SLC16A7: variants seen among roughly 807,000 people sequenced by gnomAD.
SLC16A7 encodes monocarboxylate transporter 2.
SLC16A7 carries 33 observed loss-of-function variants against 34.9 expected under a neutral mutation model. That is an observed-to-expected ratio of 0.94 (90% CI 0.72 to 1.26). The LOEUF (loss-of-function observed/expected upper bound fraction) is 1.26. Ranked by LOEUF, SLC16A7 falls within the 50% of genes most tolerant of loss-of-function variation. SLC16A7 has a pLI of 0.00. For synonymous variants in SLC16A7, 201 were observed against 206.6 expected (o/e 0.97, Z 0.23); for missense variants, 573 against 578.1 (o/e 0.99, Z 0.09).
At chr12:59,710,380 A>C (rs895794526) in intron 3 of SLC16A7, among the ~76,000 whole-genome samples, 2 of 152,172 alleles carry the variant, frequency 1.3e-5, no homozygotes, top group Non-Finnish European at 2.9e-5. Flanking sequence ...GTAGGAATGG[A>C]ATCATGGCCC....
chr12:59,764,587 G>T (rs1489260417), intron 3 of SLC16A7, among the ~76,000 whole-genome samples: 1 of 151,008 alleles, frequency 6.6e-6, no homozygotes, highest in African/African-American at 2.4e-5. Flanking sequence ...GTGGTGTTTG[G>T]TTTTTTGTCC....
At chr12:59,643,477 T>G (rs1391219880) in intron 1 of SLC16A7, among the ~76,000 whole-genome samples, 1 of 152,170 alleles carries the variant, frequency 6.6e-6, no homozygotes, top group African/African-American at 2.4e-5. Context: ...ACTGCATATG[T>G]AACATATCCA....
chr12:59,679,331 C>T (rs573418671), intron 2 of SLC16A7, among the ~76,000 whole-genome samples: 2 of 152,300 alleles, frequency 1.3e-5, no homozygotes, highest in African/African-American at 2.4e-5. Context: ...GAGCCCCAGC[C>T]GTACCCCTCC....
intron 1 of SLC16A7, among the ~76,000 whole-genome samples, chr12:59,633,523 A>C (rs888619728): frequency 2.0e-5 from 3 of 151,962 alleles, no homozygotes; most frequent in African/African-American, 7.2e-5. Context: ...TTTTTGCCAC[A>C]CTTACTACAA....
intron 3 of SLC16A7, among the ~76,000 whole-genome samples, chr12:59,713,420 T>A (rs904268575): frequency 1.1e-4 from 17 of 152,248 alleles, no homozygotes; most frequent in African/African-American, 4.1e-4. Flanking sequence ...TTTAATTAAC[T>A]ATTTTAAAGG....
intron 3 of SLC16A7, among the ~76,000 whole-genome samples, chr12:59,734,561 C>T (rs570353703): frequency 6.6e-6 from 1 of 152,314 alleles, no homozygotes; most frequent in Non-Finnish European, 1.5e-5. Flanking sequence ...ACCCCTTTAA[C>T]TTGGTAGGGG....
At chr12:59,686,128 T>C (rs1592496091) in intron 2 of SLC16A7, among the ~76,000 whole-genome samples, 1 of 100,382 alleles carries the variant, frequency 1.0e-5, no homozygotes, top group African/African-American at 3.8e-5. Flanking sequence ...CAGGGGAGGG[T>C]CCCTGTTCTG....
chr12:59,610,747 C>A (rs1333145672), intron 1 of SLC16A7, among the ~76,000 whole-genome samples: 1 of 152,178 alleles, frequency 6.6e-6, no homozygotes, highest in Non-Finnish European at 1.5e-5. Flanking sequence ...TTCCAGCATA[C>A]ATGTTTAAAA....
intron 3 of SLC16A7, among the ~76,000 whole-genome samples, chr12:59,758,597 C>A (rs960771992): frequency 2.6e-5 from 4 of 151,798 alleles, no homozygotes; most frequent in Non-Finnish European, 5.9e-5. Context: ...AAGAGATAGA[C>A]CCAGCAGAAT....
In SLC16A7 at chr12:59,689,004, T is replaced by C. The variant is rs1234003051; in HGVS notation, c.-30-15768T>C. Reference sequence around the variant, plus strand: ...ATAATTTTTTCTGCAATCCTTATCCTAATTCTATAGCCTATGTTTATGTTT... The same window carrying C: ...ATAATTTTTTCTGCAATCCTTATCCCAATTCTATAGCCTATGTTTATGTTT... On this transcript the variant is annotated intron_variant, in intron 2 of 5. Transcript: ENST00000547379. 2.0e-5 allele frequency among the ~76,000 whole-genome samples: 3 copies of C among 152,034 alleles called. No individual in the cohort carries two copies. In the East Asian group the frequency reaches 5.8e-4, roughly 29 times the overall value.
intron 3 of SLC16A7, among the ~76,000 whole-genome samples, chr12:59,753,180 G>C (rs1879812769): frequency 6.6e-6 from 1 of 152,182 alleles, no homozygotes; most frequent in Admixed American, 6.5e-5. Context: ...ATCGAGGCTA[G>C]GAAGAAACTG....
intron 3 of SLC16A7, among the ~76,000 whole-genome samples, chr12:59,722,098 C>A (rs981848865): frequency 1.3e-5 from 2 of 151,856 alleles, no homozygotes; most frequent in African/African-American, 2.4e-5. Flanking sequence ...TATATATAAA[C>A]CCTCTTTTCA....
intron 1 of SLC16A7, among the ~76,000 whole-genome samples, chr12:59,604,476 G>T (rs1204665116): frequency 6.6e-6 from 1 of 151,666 alleles, no homozygotes; most frequent in African/African-American, 2.4e-5. Flanking sequence ...AACATGTCTT[G>T]TGTGTGTGTG....
intron 1 of SLC16A7, among the ~76,000 whole-genome samples, chr12:59,623,082 G>C (rs945693956): frequency 4.7e-5 from 7 of 147,774 alleles, no homozygotes; most frequent in African/African-American, 1.7e-4. Context: ...GTGTGTGTGT[G>C]TGTGTGTGTG....
intron 1 of SLC16A7, among the ~76,000 whole-genome samples, chr12:59,602,629 G>A (rs552898712): frequency 3.3e-5 from 5 of 151,490 alleles, no homozygotes; most frequent in African/African-American, 9.7e-5. Context: ...GACTATAGGC[G>A]CCCACCATCA....
chr12:59,753,965 C>CT (rs1344261422), intron 3 of SLC16A7, among the ~76,000 whole-genome samples: 2 of 152,184 alleles, frequency 1.3e-5, no homozygotes, highest in Non-Finnish European at 2.9e-5. Flanking sequence ...CTCAAAACCA[C>CT]TCAACTACAT....
At chr12:59,615,275 A>G (rs1210943060) in intron 1 of SLC16A7, among the ~76,000 whole-genome samples, 1 of 152,062 alleles carries the variant, frequency 6.6e-6, no homozygotes, top group Non-Finnish European at 1.5e-5. Flanking sequence ...TATTGTTTTT[A>G]TAGCAGCACA....
intron 2 of SLC16A7, among the ~76,000 whole-genome samples, chr12:59,665,553 A>G (rs1471942662): frequency 7.9e-5 from 12 of 152,054 alleles, no homozygotes; most frequent in Admixed American, 7.9e-4. Flanking sequence ...GTACAGTTAT[A>G]TTTCAGGGAT....
chr12:59,765,176 GTTGT>G (rs1396734484), intron 3 of SLC16A7, among the ~76,000 whole-genome samples: 9 of 152,120 alleles, frequency 5.9e-5, no homozygotes, highest in Non-Finnish European at 8.8e-5. Flanking sequence ...TTTTGATGGG[GTTGT>G]TTGTTTTTTT....
Sources: allele counts gnomAD v4.1 joint callset (sites outside exome capture counted in the v4.1 genomes callset), GRCh38; gene constraint gnomAD v4.1.1; transcripts MANE v1.5; gene names NCBI Gene and HGNC (gene_info 2026-07-23, HGNC 2026-07-21).